The following ZBTB20 variants were observed in gnomAD, a reference collection of about 807,000 sequenced individuals.
ZBTB20 encodes zinc finger and BTB domain-containing protein 20.
In ZBTB20, 9 loss-of-function variants were observed where a neutral mutation model predicts 56.9. The observed-to-expected ratio is 0.16, with a 90% CI of 0.10 to 0.28. The LOEUF is 0.28. Among genes scored for constraint, ZBTB20 ranks in the 10% least tolerant of loss-of-function variants. The pLI is 1.00. For synonymous variants in ZBTB20, 417 were observed against 420.7 expected (o/e 0.99, Z 0.11); for missense variants, 655 against 1,003.0 (o/e 0.65, Z 4.69).
chr3:114,989,708 A>G (rs1176636533), intron 2 of ZBTB20, among the ~76,000 whole-genome samples: 4 of 152,132 alleles, frequency 2.6e-5, no homozygotes, highest in Admixed American at 2.0e-4. Flanking sequence ...GGCCATTTTC[A>G]TGATATTGAT....
chr3:114,998,079 T>G (rs2108197028), intron 2 of ZBTB20, among the ~76,000 whole-genome samples: 1 of 151,864 alleles, frequency 6.6e-6, no homozygotes, highest in South Asian at 2.1e-4. Flanking sequence ...AATTAACTTC[T>G]TTTTATTTTG....
intron 4 of ZBTB20, among the ~76,000 whole-genome samples, chr3:114,886,207 AGTCCTGT>A (rs1209407032): frequency 3.3e-5 from 5 of 152,248 alleles, no homozygotes; most frequent in Admixed American, 2.0e-4. Context: ...AGCTGAGTTT[AGTCCTGT>A]GTCAGCCATT....
intron 6 of ZBTB20, among the ~76,000 whole-genome samples, chr3:114,560,691 CTGA>C (rs1360938102): frequency 3.9e-5 from 6 of 152,190 alleles, no homozygotes; most frequent in Non-Finnish European, 8.8e-5. Flanking sequence ...AGATTACCAT[CTGA>C]GTGGTAATCT....
chr3:114,518,600 G>GT (rs1195180450), intron 6 of ZBTB20: 3 of 152,174 alleles, frequency 2.0e-5, no homozygotes, highest in Admixed American at 1.3e-4. Flanking sequence ...GTACTAGAAG[G>GT]TAAGCTCCAC....
At chr3:114,999,020 G>T (rs1245117641) in intron 2 of ZBTB20, among the ~76,000 whole-genome samples, 5 of 135,796 alleles carry the variant, frequency 3.7e-5, no homozygotes, top group African/African-American at 1.3e-4. Context: ...AGGAGGGGAG[G>T]TTGGGGAGGG....
intron 5 of ZBTB20, among the ~76,000 whole-genome samples, chr3:114,765,357 T>A: frequency 6.6e-6 from 1 of 152,006 alleles, no homozygotes; most frequent in East Asian, 1.9e-4. Context: ...CTTATGCCTG[T>A]AGAGAAAGGG....
chr3:115,096,896 T>C (rs2083399773), intron 1 of ZBTB20, among the ~76,000 whole-genome samples: 1 of 152,196 alleles, frequency 6.6e-6, no homozygotes, highest in South Asian at 2.1e-4. Flanking sequence ...CAAAAATAGA[T>C]AAATAAACAG....
In ZBTB20 at chr3:115,070,665, C is replaced by G. The variant is rs140592110; in HGVS notation, c.-507+554G>C. Among the ~76,000 whole-genome samples, 1,337 of 152,152 alleles carry G rather than the reference C, an allele frequency of 8.8e-3. 14 individuals are homozygous for G. Among genetic ancestry groups the G allele is most frequent in the African/African-American group, 0.031 (1,271 of 41,536 alleles). On this transcript the variant is annotated intron_variant, in intron 2 of 11. Coordinates refer to ENST00000675478, the MANE Select transcript of ZBTB20 (RefSeq NM_001348800.3). ...AAAATTCTACACTAGAAAAGTAATA[C>G]ATTCCTTCTTATCTTTCTTTAATTA...
At chr3:115,143,082 C>T (rs770301629) in intron 1 of ZBTB20, among the ~76,000 whole-genome samples, 1 of 152,212 alleles carries the variant, frequency 6.6e-6, no homozygotes, top group Non-Finnish European at 1.5e-5. Context: ...GAGACACCCA[C>T]TACTTGAAGT....
intron 5 of ZBTB20, among the ~76,000 whole-genome samples, chr3:114,774,635 G>T (rs1047391566): frequency 1.3e-5 from 2 of 152,096 alleles, no homozygotes; most frequent in Non-Finnish European, 2.9e-5. Flanking sequence ...TCTAAAGGGG[G>T]TGGATAACAA....
At chr3:114,401,587 A>T (rs2086831417) in intron 7 of ZBTB20, among the ~76,000 whole-genome samples, 2 of 152,178 alleles carry the variant, frequency 1.3e-5, no homozygotes, top group Admixed American at 1.3e-4. Context: ...CATGCAGACT[A>T]TGTAATGTCA....
At position 114,498,811 on chromosome 3, in the gene ZBTB20, A is replaced by G. The variant is rs150885911; in HGVS notation, c.-255+1541T>C. 1.9e-3 allele frequency among the ~76,000 whole-genome samples: 296 copies of G among 152,244 alleles called. 2 individuals carry two copies. The highest frequency in any genetic ancestry group is 3.7e-3 in the Non-Finnish European group (250 of 68,016). ...AGACAGCCTTTCAACTACACTTTTT[A>G]TCTCAAAAGTCTCCCCCTTGATTCC... On this transcript the variant is annotated intron_variant, in intron 7 of 11. Coordinates refer to ENST00000675478, the MANE Select transcript of ZBTB20 (RefSeq NM_001348800.3).
intron 5 of ZBTB20, among the ~76,000 whole-genome samples, chr3:114,732,714 C>T (rs139900589): frequency 5.3e-5 from 8 of 152,274 alleles, no homozygotes; most frequent in African/African-American, 1.7e-4. Flanking sequence ...GAGGCATGCA[C>T]ATAGCCACGA....
intron 10 of ZBTB20, 118 bp from the exon 11 acceptor site, chr3:114,351,996 A>G (rs1353844035): frequency 3.1e-6 from 4 of 1,292,162 alleles, no homozygotes; most frequent in Non-Finnish European, 4.2e-6. Context: ...CTGCCCTTAC[A>G]TACGCAAGTG....
chr3:114,959,439 G>A lies in ZBTB20; in HGVS notation c.-456+14927C>T, dbSNP rs1025732182. Among the ~76,000 whole-genome samples the A allele has an allele frequency of 2.0e-5, 3 of 152,030 alleles. No individual in the cohort carries two copies. In the South Asian group the frequency reaches 6.2e-4, roughly 31 times the overall value. ...AAATCCAGGTGGATTGCCCACTGGA[G>A]TATACAGTTAAAAAATATCCAAAGG... On this transcript the variant is annotated intron_variant, in intron 3 of 11. Transcript: ENST00000675478.
intron 2 of ZBTB20, among the ~76,000 whole-genome samples, chr3:115,050,808 CTG>C (rs2081518612): frequency 6.6e-6 from 1 of 151,932 alleles, no homozygotes; most frequent in Non-Finnish European, 1.5e-5. Flanking sequence ...TAAAATATCA[CTG>C]TGTAGTTTTC....
At chr3:115,115,530 C>A (rs781406568) in intron 1 of ZBTB20, among the ~76,000 whole-genome samples, 25 of 152,134 alleles carry the variant, frequency 1.6e-4, no homozygotes, top group Admixed American at 3.3e-4. Context: ...TTCCACACTG[C>A]ATAATTTGTT....
At chr3:114,427,802 C>T (rs956379977) in intron 7 of ZBTB20, among the ~76,000 whole-genome samples, 4 of 152,092 alleles carry the variant, frequency 2.6e-5, no homozygotes, top group African/African-American at 9.7e-5. Flanking sequence ...TCTTCAGAAA[C>T]GTGGAGAATG....
intron 4 of ZBTB20, among the ~76,000 whole-genome samples, chr3:114,818,107 A>C (rs1340365002): frequency 6.6e-6 from 1 of 152,172 alleles, no homozygotes; most frequent in Non-Finnish European, 1.5e-5. Context: ...CAATTTCCTA[A>C]TCTTACAGAA....
Sources: gnomAD v4.1 joint callset for allele counts (sites outside exome capture counted in the v4.1 genomes callset) on GRCh38, gnomAD v4.1.1 for gene constraint, MANE v1.5 for transcripts, NCBI Gene and HGNC (gene_info 2026-07-23, HGNC 2026-07-21) for gene names.